CDK12: variants seen among roughly 807,000 people sequenced by gnomAD.
The protein encoded by CDK12 is cyclin dependent kinase 12.
Under a neutral mutation model 133.8 loss-of-function variants are expected in CDK12, and 17 were observed. The ratio of observed to expected loss-of-function variants is 0.13; its 90% CI spans 0.09 to 0.19. CDK12 has a LOEUF of 0.19. Ranked by LOEUF, CDK12 falls within the 10% of genes least tolerant of loss-of-function variation. CDK12 has a pLI of 1.00. For synonymous variants in CDK12, 694 were observed against 683.6 expected, an observed-to-expected ratio of 1.02 and a Z score of -0.24; for missense variants, 1,508 against 1,818.7, an observed-to-expected ratio of 0.83 and a Z score of 3.11.
chr17:39,550,390 A>T (rs1206169084), exon 1 of CDK12: 1 of 152,358 alleles, frequency 6.6e-6, no homozygotes, highest in East Asian at 1.9e-4. Flanking sequence ...ACGGATTGGA[A>T]CTATACTGGT....
At chr17:39,477,651 C>G (rs1196815003) in intron 2 of CDK12, among the ~76,000 whole-genome samples, 1 of 151,150 alleles carries the variant, frequency 6.6e-6, no homozygotes, top group Non-Finnish European at 1.5e-5. Flanking sequence ...TGGCTCACTG[C>G]AAGCTCCACC....
chr17:39,517,947 G>T (rs1353618921), intron 10 of CDK12, among the ~76,000 whole-genome samples: 1 of 151,594 alleles, frequency 6.6e-6, no homozygotes, highest in Non-Finnish European at 1.5e-5. Flanking sequence ...TGACCTGCTG[G>T]GCTCAAGCAA....
intron 5 of CDK12, among the ~76,000 whole-genome samples, chr17:39,495,394 T>G (rs1166515639): frequency 0.011 from 1,605 of 145,616 alleles, 30 homozygotes; most frequent in African/African-American, 0.038. Flanking sequence ...GTTTTTTTTT[T>G]TTTTTTTTTT....
chr17:39,480,360 C>T (rs2050548483), intron 2 of CDK12, among the ~76,000 whole-genome samples: 1 of 151,372 alleles, frequency 6.6e-6, no homozygotes, highest in African/African-American at 2.4e-5. Context: ...ATCTCCATCT[C>T]TGAATCCCAA....
chr17:39,466,372 TG>T (rs2049308618), intron 1 of CDK12, among the ~76,000 whole-genome samples: 1 of 150,522 alleles, frequency 6.6e-6, no homozygotes, highest in South Asian at 2.1e-4. Flanking sequence ...CCTAGCACTT[TG>T]GGAGGCTGAG....
chr17:39,544,287 T>G, upstream of CDK12: 1 of 488,552 alleles, frequency 2.0e-6, no homozygotes, highest in Non-Finnish European at 4.1e-6. Context: ...AGGAATGCAG[T>G]GATGTCCATC....
intron 2 of CDK12, among the ~76,000 whole-genome samples, chr17:39,481,914 G>T (rs984166779): frequency 3.3e-5 from 5 of 151,214 alleles, no homozygotes; most frequent in South Asian, 4.2e-4. Flanking sequence ...TAGAGATGGG[G>T]TTTCACCAGG....
intron 8 of CDK12, 98 bp downstream of exon 8, chr17:39,511,728 G>A: frequency 1.7e-6 from 1 of 596,190 alleles, no homozygotes; most frequent in Non-Finnish European, 2.8e-6. Context: ...CTCTTCTTAA[G>A]TTCAGAAGGA....
intron 13 of CDK12, among the ~76,000 whole-genome samples, chr17:39,527,126 C>G (rs1053459311): frequency 6.6e-6 from 1 of 152,140 alleles, no homozygotes; most frequent in African/African-American, 2.4e-5. Flanking sequence ...CATGAAGACC[C>G]CATGAATTGG....
chr17:39,523,920 G>A (rs1282828072), intron 11 of CDK12, among the ~76,000 whole-genome samples: 3 of 152,100 alleles, frequency 2.0e-5, no homozygotes, highest in Admixed American at 2.0e-4. Context: ...CAAAGTGCTG[G>A]GATTACAGGC....
At chr17:39,495,322 C>T (rs1339300713) in intron 5 of CDK12, among the ~76,000 whole-genome samples, 1 of 151,594 alleles carries the variant, frequency 6.6e-6, no homozygotes, top group African/African-American at 2.4e-5. Context: ...AAGTCATCCG[C>T]CCGCCTCGGC....
At chr17:39,493,207 C>T (rs867638810) in intron 4 of CDK12, among the ~76,000 whole-genome samples, 2 of 144,972 alleles carry the variant, frequency 1.4e-5, no homozygotes, top group Admixed American at 7.1e-5. Context: ...TCCACTATGT[C>T]GTCCAGGCTG....
chr17:39,494,611 G>A lies in CDK12; in HGVS notation c.2336G>A (p.Arg779His), dbSNP rs2051918647. 7 of 1,612,532 alleles carry A rather than the reference G, an allele frequency of 4.3e-6. No individual in the cohort carries two copies. Among genetic ancestry groups the A allele is most frequent in the Non-Finnish European group, 5.9e-6 (7 of 1,178,946 alleles). ...GCCATTCGTGAAATCAAAATCCTTC[G>A]TCAGTTAATCCACCGAAGTGTTGTT... is the stretch of plus-strand genomic sequence containing the variant. ...ITAIREIKIL[R>H]QLIHRSVVNM... Residue 779 changes from arginine to histidine, a missense_variant, in exon 5 of 14, where the codon CGT becomes CAT. Coordinates refer to ENST00000447079, the MANE Select transcript of CDK12 (RefSeq NM_016507.4).
chr17:39,567,388 C>G (rs905257194), downstream of CDK12: 10 of 152,108 alleles, frequency 6.6e-5, no homozygotes, highest in Non-Finnish European at 1.2e-4. Flanking sequence ...TGTATTTGTC[C>G]AGTCATTTGA....
At chr17:39,476,711 CTTTTTTTTTTTTTTTTTTTTTTT>C (rs879840168) in intron 2 of CDK12, among the ~76,000 whole-genome samples, 2 of 84,516 alleles carry the variant, frequency 2.4e-5, no homozygotes, top group Non-Finnish European at 4.2e-5. Flanking sequence ...CCATGCCTGC[CTTTTTTTTTTTTTTTTTTTTTTT>C]TTTTTTGAGA....
intron 3 of CDK12, among the ~76,000 whole-genome samples, chr17:39,558,301 G>A (rs762165426): frequency 3.1e-4 from 47 of 152,230 alleles, no homozygotes; most frequent in Non-Finnish European, 5.9e-4. Context: ...CTGCCTGGAA[G>A]TTCAGCTTCA....
chr17:39,503,778 A>G (rs2052897677), intron 6 of CDK12, among the ~76,000 whole-genome samples: 1 of 152,152 alleles, frequency 6.6e-6, no homozygotes, highest in South Asian at 2.1e-4. Flanking sequence ...TGTGGGTGAG[A>G]TGGCCTGGAG....
In CDK12 at chr17:39,471,738, T is replaced by C. The variant is rs2049813864; in HGVS notation, c.1906T>C (p.Leu636=). The C allele has an allele frequency of 6.2e-7, 1 of 1,613,054 alleles. No homozygotes were observed. The highest frequency in any genetic ancestry group is 8.5e-7 in the Non-Finnish European group (1 of 1,179,516). The stretch of plus-strand genomic sequence containing the variant: ...GCCTCCTTTGCCCCTCCCACCCTTA[T>C]TACCTGGAGATGATGACATGGATAG... ...TLPPLPLPPL[L]PGDDDMDSPK... is the part of the protein sequence containing the mutation. The change falls in exon 2 of 14, where the codon TTA becomes CTA. Residue 636 remains leucine (L), a synonymous_variant. Coordinates refer to ENST00000447079, the MANE Select transcript of CDK12 (RefSeq NM_016507.4).
Position 39,521,893 on chromosome 17 carries a change from A to T in CDK12, c.3095+1806A>T, listed in dbSNP as rs185093705. Among the ~76,000 whole-genome samples the T allele has an allele frequency of 2.6e-3, 381 of 147,812 alleles. 4 individuals carry two copies. Among genetic ancestry groups the T allele is most frequent in the African/African-American group, 9.1e-3 (362 of 39,838 alleles). On this transcript the variant is annotated intron_variant, in intron 11 of 13. Coordinates refer to ENST00000447079, the MANE Select transcript of CDK12 (RefSeq NM_016507.4). ...TTTTTTTTTCCAATTGTAGAAATGG[A>T]GTCTCACAATGTTGTCCAGACTGTC...
Sources: allele counts gnomAD v4.1 joint callset (sites outside exome capture counted in the v4.1 genomes callset), GRCh38; gene constraint gnomAD v4.1.1; transcripts MANE v1.5; gene names NCBI Gene and HGNC (gene_info 2026-07-23, HGNC 2026-07-21).